CNTNAP5: variants seen among roughly 807,000 people sequenced by gnomAD.
CNTNAP5 encodes contactin associated protein family member 5.
Under a neutral mutation model 150.2 loss-of-function variants are expected in CNTNAP5, and 72 were observed. The observed-to-expected ratio is 0.48, with a 90% CI of 0.40 to 0.58. The LOEUF (loss-of-function observed/expected upper bound fraction) is 0.58. CNTNAP5 is among the 20% of genes least tolerant of loss of function. CNTNAP5 has a pLI of 0.00. For synonymous variants in CNTNAP5, 672 were observed against 619.8 expected (o/e 1.08, Z -1.25); for missense variants, 1,636 against 1,626.2 (o/e 1.01, Z -0.10).
intron 17 of CNTNAP5, among the ~76,000 whole-genome samples, chr2:124,775,699 A>G (rs1166849668): frequency 1.3e-5 from 2 of 152,182 alleles, no homozygotes; most frequent in Non-Finnish European, 2.9e-5. Context: ...AGGCTGTTAT[A>G]TCACCATGAT....
intron 11 of CNTNAP5, among the ~76,000 whole-genome samples, chr2:124,589,871 G>C (rs73952838): frequency 0.012 from 1,836 of 152,220 alleles, 35 homozygotes; most frequent in African/African-American, 0.042. Flanking sequence ...TGCTATCCTT[G>C]CTGTGGTTTG....
At chr2:124,424,770 C>G (rs1460499802) in intron 4 of CNTNAP5, among the ~76,000 whole-genome samples, 2 of 152,112 alleles carry the variant, frequency 1.3e-5, no homozygotes, top group Admixed American at 6.5e-5. Flanking sequence ...ATAAATAAGA[C>G]AATCCTTGCC....
intron 1 of CNTNAP5, among the ~76,000 whole-genome samples, chr2:124,213,706 T>C (rs886239914): frequency 6.6e-6 from 1 of 151,956 alleles, no homozygotes; most frequent in South Asian, 2.1e-4. Context: ...GTGAAAAGAA[T>C]AAAGCAAAAC....
chr2:124,044,788 AG>A (rs1681479943), intron 1 of CNTNAP5, among the ~76,000 whole-genome samples: 2 of 151,802 alleles, frequency 1.3e-5, no homozygotes, highest in Admixed American at 6.6e-5. Flanking sequence ...GGCATGTTTG[AG>A]GACACATATC....
chr2:124,473,867 T>C (rs1693578100), intron 6 of CNTNAP5, among the ~76,000 whole-genome samples: 1 of 152,070 alleles, frequency 6.6e-6, no homozygotes, highest in African/African-American at 2.4e-5. Flanking sequence ...TTTGTGTTAA[T>C]ACTAATTAGA....
chr2:124,177,090 C>T (rs1003780865), intron 1 of CNTNAP5, among the ~76,000 whole-genome samples: 3 of 152,002 alleles, frequency 2.0e-5, no homozygotes, highest in Non-Finnish European at 2.9e-5. Context: ...TCAGGTGATC[C>T]GCTCGCCTTG....
chr2:124,754,036 G>A (rs1206389664), intron 14 of CNTNAP5, among the ~76,000 whole-genome samples: 1 of 152,136 alleles, frequency 6.6e-6, no homozygotes, highest in Non-Finnish European at 1.5e-5. Flanking sequence ...AGATGATGCT[G>A]GATGCCTCCT....
intron 1 of CNTNAP5, among the ~76,000 whole-genome samples, chr2:124,032,394 A>G (rs1346658251): frequency 2.0e-5 from 3 of 152,180 alleles, no homozygotes; most frequent in African/African-American, 7.2e-5. Context: ...GTTTTTATAC[A>G]GGTAATGATT....
chr2:124,481,937 G>A (rs1484866252), intron 7 of CNTNAP5, among the ~76,000 whole-genome samples: 7 of 152,100 alleles, frequency 4.6e-5, no homozygotes, highest in African/African-American at 1.4e-4. Flanking sequence ...ATTGCATAAA[G>A]CCACACCACA....
At position 124,707,018 on chromosome 2, in the gene CNTNAP5, GAGAAGA is replaced by G. The variant is rs200269843; in HGVS notation, c.2078-40193_2078-40188del. ...GAAGAGGAAGAAGAAGGAGGAGGAG[GAGAAGA>G]AGAAGAAGAAGAAGAAGGAGGAGGA... On this transcript the variant is annotated intron_variant, in intron 13 of 23. Coordinates refer to ENST00000682447, the MANE Select transcript of CNTNAP5 (RefSeq NM_001367498.1). 3.2e-3 allele frequency among the ~76,000 whole-genome samples: 235 copies of G among 74,288 alleles called. 24 individuals carry two copies. Among genetic ancestry groups the G allele is most frequent in the Admixed American group, 7.7e-3 (58 of 7,502 alleles). 48.7% of individuals were successfully genotyped at this position (74,288 alleles called of 152,430 possible). A position where few individuals can be genotyped will look rare whatever the true frequency, so the allele number is the denominator to read the frequency against.
intron 6 of CNTNAP5, among the ~76,000 whole-genome samples, chr2:124,469,228 G>T (rs1030438824): frequency 6.6e-6 from 1 of 152,134 alleles, no homozygotes; most frequent in African/African-American, 2.4e-5. Context: ...TTAGTATATG[G>T]TACCCTCTAT....
At chr2:124,871,823 CT>C (rs1413626175) in intron 21 of CNTNAP5, among the ~76,000 whole-genome samples, 2 of 151,918 alleles carry the variant, frequency 1.3e-5, no homozygotes, top group Admixed American at 6.6e-5. Flanking sequence ...TTTATGTTTC[CT>C]GTTCGCTATG....
At chr2:124,137,805 G>C (rs1684012330) in intron 1 of CNTNAP5, among the ~76,000 whole-genome samples, 1 of 80,800 alleles carries the variant, frequency 1.2e-5, no homozygotes, top group Non-Finnish European at 2.7e-5. Flanking sequence ...TCGCTGTGGA[G>C]AGATAGTAGC....
intron 1 of CNTNAP5, among the ~76,000 whole-genome samples, chr2:124,039,328 A>G (rs1206519082): frequency 6.6e-6 from 1 of 152,222 alleles, no homozygotes; most frequent in African/African-American, 2.4e-5. Flanking sequence ...TGGCAAAATA[A>G]CTACTTAATA....
intron 4 of CNTNAP5, among the ~76,000 whole-genome samples, chr2:124,419,771 T>G (rs955424195): frequency 2.6e-5 from 4 of 152,110 alleles, no homozygotes; most frequent in Non-Finnish European, 2.9e-5. Context: ...TTTTTTTTAT[T>G]TGGGGGAAAT....
At chr2:124,091,833 G>A (rs1253194676) in intron 1 of CNTNAP5, among the ~76,000 whole-genome samples, 1 of 152,118 alleles carries the variant, frequency 6.6e-6, no homozygotes, top group African/African-American at 2.4e-5. Context: ...AGGAGCTGTC[G>A]GTGCCTGTGA....
chr2:124,098,581 T>A (rs539175460), intron 1 of CNTNAP5, among the ~76,000 whole-genome samples: 2 of 152,194 alleles, frequency 1.3e-5, no homozygotes, highest in East Asian at 3.9e-4. Flanking sequence ...AGAAGTAGTG[T>A]CCCATTATTT....
At chr2:124,329,037 C>T (rs1044674847) in intron 3 of CNTNAP5, among the ~76,000 whole-genome samples, 4 of 152,068 alleles carry the variant, frequency 2.6e-5, no homozygotes, top group African/African-American at 9.7e-5. Flanking sequence ...ATGTAGGCAA[C>T]TTTGAAGGGT....
chr2:124,654,221 G>A (rs889489770), intron 13 of CNTNAP5, among the ~76,000 whole-genome samples: 10 of 152,124 alleles, frequency 6.6e-5, no homozygotes, highest in African/African-American at 2.4e-4. Context: ...ATTTTACAAA[G>A]CCTGGGACTG....
Sources: gnomAD v4.1 joint callset for allele counts (sites outside exome capture counted in the v4.1 genomes callset) on GRCh38, gnomAD v4.1.1 for gene constraint, MANE v1.5 for transcripts, NCBI Gene and HGNC (gene_info 2026-07-23, HGNC 2026-07-21) for gene names.